GPR107: variants seen among roughly 807,000 people sequenced by gnomAD.
GPR107 encodes the protein G protein-coupled receptor 107.
Under a neutral mutation model 75.5 loss-of-function variants are expected in GPR107, and 31 were observed. That is an observed-to-expected ratio of 0.41 (90% CI 0.31 to 0.55). The LOEUF is 0.55. GPR107 is among the 20% of genes least tolerant of loss of function. The pLI is 0.26. For synonymous variants in GPR107, 267 were observed against 251.3 expected (o/e 1.06, Z -0.59); for missense variants, 572 against 665.7 (o/e 0.86, Z 1.55).
intron 17 of GPR107, among the ~76,000 whole-genome samples, chr9:130,132,685 T>C (rs1831855447): frequency 6.6e-6 from 1 of 151,736 alleles, no homozygotes; most frequent in Middle Eastern, 3.4e-3. Context: ...ACTTGGGAGG[T>C]TGAGGCACGA....
Position 130,114,161 on chromosome 9 carries a change from G to A in GPR107, c.1306+6622G>A, listed in dbSNP as rs926235659. On this transcript the variant is annotated intron_variant, in intron 14 of 17. Coordinates refer to ENST00000347136, the MANE Select transcript of GPR107 (RefSeq NM_020960.5). The stretch of plus-strand genomic sequence containing the variant: ...AGGCAAACGGATCAGTTGAGGTCAG[G>A]AGTTCGAGACCAGCCTGGCCAACAT... Among the ~76,000 whole-genome samples the A allele has an allele frequency of 3.2e-4, 48 of 151,036 alleles. 1 individual carries two copies. Among genetic ancestry groups the A allele is most frequent in the Non-Finnish European group, 3.5e-4 (24 of 67,854 alleles).
intron 1 of GPR107, among the ~76,000 whole-genome samples, chr9:130,063,623 G>T (rs1389288542): frequency 2.0e-5 from 3 of 151,888 alleles, no homozygotes; most frequent in Non-Finnish European, 2.9e-5. Context: ...CTGTTTGGTG[G>T]CATGTATGCC....
intron 15 of GPR107, among the ~76,000 whole-genome samples, chr9:130,125,970 G>A (rs1446185898): frequency 6.6e-6 from 1 of 150,656 alleles, no homozygotes; most frequent in Non-Finnish European, 1.5e-5. Flanking sequence ...CAGGAGAATC[G>A]CTTGAACCCA....
At chr9:130,096,468 CTTTTTTTTT>C (rs34230243) in intron 9 of GPR107, among the ~76,000 whole-genome samples, 1 of 122,372 alleles carries the variant, frequency 8.2e-6, no homozygotes, top group African/African-American at 3.2e-5. Context: ...CATTTTTGGA[CTTTTTTTTT>C]TTTTTTTTTG....
chr9:130,062,189 T>C (rs1015169500), intron 1 of GPR107, among the ~76,000 whole-genome samples: 4 of 151,526 alleles, frequency 2.6e-5, no homozygotes, highest in African/African-American at 7.3e-5. Flanking sequence ...CCAAGGCGGG[T>C]AGATCACCTG....
rs1830096631 is a variant in GPR107 at position 130,067,479 on chromosome 9, T to A, written c.142-8157T>A. On this transcript the variant is annotated intron_variant, in intron 1 of 17. Transcript: ENST00000347136. Reference sequence around the variant, plus strand: ...AGGTTAGCGCACCTTCCATTTTACCTGCACTGGGTAAGCTTCCAGTGCCTA... The same window carrying A: ...AGGTTAGCGCACCTTCCATTTTACCAGCACTGGGTAAGCTTCCAGTGCCTA... Among the ~76,000 whole-genome samples, 3 of 152,244 alleles carry A rather than the reference T, an allele frequency of 2.0e-5. No individual in the cohort carries two copies. The South Asian group carries it at 6.2e-4, about 32-fold the overall frequency.
intron 14 of GPR107, among the ~76,000 whole-genome samples, chr9:130,116,106 G>T (rs1211913240): frequency 6.6e-6 from 1 of 152,202 alleles, no homozygotes; most frequent in Non-Finnish European, 1.5e-5. Context: ...ACATCCAAAA[G>T]CAGAGGTCTC....
intron 15 of GPR107, among the ~76,000 whole-genome samples, chr9:130,127,021 C>T (rs539025213): frequency 3.4e-4 from 52 of 152,306 alleles, no homozygotes; most frequent in Middle Eastern, 3.4e-3. Context: ...AGTATTTGTA[C>T]TTCTGTGAGT....
intron 4 of GPR107, among the ~76,000 whole-genome samples, chr9:130,078,718 G>A (rs1438279819): frequency 6.6e-6 from 1 of 152,174 alleles, no homozygotes; most frequent in African/African-American, 2.4e-5. Flanking sequence ...AGGTGGCTCT[G>A]CTCCATCATT....
At chr9:130,069,801 T>C (rs1830156604) in intron 1 of GPR107, among the ~76,000 whole-genome samples, 1 of 151,886 alleles carries the variant, frequency 6.6e-6, no homozygotes, top group African/African-American at 2.4e-5. Context: ...TTCTCTTGCC[T>C]CAGCTTCTCT....
chr9:130,118,844 G>A (rs968619285), intron 14 of GPR107, among the ~76,000 whole-genome samples: 1 of 152,198 alleles, frequency 6.6e-6, no homozygotes, highest in African/African-American at 2.4e-5. Context: ...TGAGGAGGTC[G>A]ATGCCTGGAG....
intron 9 of GPR107, among the ~76,000 whole-genome samples, chr9:130,099,231 C>T (rs980599704): frequency 1.3e-5 from 2 of 151,988 alleles, no homozygotes; most frequent in African/African-American, 2.4e-5. Flanking sequence ...GCTGCTTGAT[C>T]GCTTGAGCCT....
chr9:130,087,219 G>A (rs1021044863), intron 7 of GPR107, among the ~76,000 whole-genome samples: 28 of 151,500 alleles, frequency 1.8e-4, no homozygotes, highest in African/African-American at 6.8e-4. Context: ...TAAATTTTTT[G>A]TAGAGATGAG....
At chr9:130,074,094 G>T (rs1169694508) in intron 1 of GPR107, among the ~76,000 whole-genome samples, 3 of 152,152 alleles carry the variant, frequency 2.0e-5, no homozygotes, top group Non-Finnish European at 4.4e-5. Context: ...GGGGAAACAG[G>T]GACCATAGCC....
At chr9:130,077,744 G>T (rs1322622420) in intron 4 of GPR107, among the ~76,000 whole-genome samples, 2 of 152,156 alleles carry the variant, frequency 1.3e-5, no homozygotes, top group African/African-American at 4.8e-5. Context: ...AACAAGACTG[G>T]GTCCACGTAA....
At chr9:130,114,552 T>G in intron 14 of GPR107, 1 of 437,230 alleles carries the variant, frequency 2.3e-6, no homozygotes, top group Non-Finnish European at 4.5e-6. Context: ...CTCACTAATT[T>G]TTAAAATTTT....
At chr9:130,063,986 G>T (rs983988820) in intron 1 of GPR107, among the ~76,000 whole-genome samples, 4 of 150,796 alleles carry the variant, frequency 2.7e-5, no homozygotes, top group Non-Finnish European at 5.9e-5. Flanking sequence ...TGTATTTTTA[G>T]TAGAGACGGG....
intron 1 of GPR107, among the ~76,000 whole-genome samples, chr9:130,054,468 T>A (rs1394973864): frequency 6.6e-6 from 1 of 152,210 alleles, no homozygotes. Context: ...TTCTGTGCCC[T>A]TGTACTGTAC....
rs1399715565 is a variant in GPR107 at position 130,106,637 on chromosome 9, A to ATAC, written c.1263-857_1263-855dup. Among the ~76,000 whole-genome samples the ATAC allele has an allele frequency of 5.9e-5, 9 of 151,294 alleles. No homozygotes were observed. In the East Asian group the frequency reaches 1.6e-3, roughly 26 times the overall value. On this transcript the variant is annotated intron_variant, in intron 13 of 17. Coordinates refer to ENST00000347136, the MANE Select transcript of GPR107 (RefSeq NM_020960.5). ...TAAATAAATAATAATAATAATAATAATACTTGTAAATATCCCGATTCAGCC... is the reference window on the plus strand; with the variant it reads ...TAAATAAATAATAATAATAATAATAATACTACTTGTAAATATCCCGATTCAGCC...
Sources: allele counts gnomAD v4.1 joint callset (sites outside exome capture counted in the v4.1 genomes callset), GRCh38; gene constraint gnomAD v4.1.1; transcripts MANE v1.5; gene names NCBI Gene and HGNC (gene_info 2026-07-23, HGNC 2026-07-21).